The following THSD7A variants were observed in gnomAD, a reference collection of about 807,000 sequenced individuals.
The protein encoded by THSD7A is thrombospondin type 1 domain containing 7A.
THSD7A carries 96 observed loss-of-function variants against 231.3 expected under a neutral mutation model. The observed-to-expected ratio is 0.41, with a 90% confidence interval of 0.35 to 0.49. The LOEUF (loss-of-function observed/expected upper bound fraction) is 0.49, where lower values mean the gene tolerates loss of function less well. Ranked by LOEUF, THSD7A falls within the 20% of genes least tolerant of loss-of-function variation. THSD7A has a pLI of 0.05. For missense variants in THSD7A, 2,290 were observed against 2,070.2 expected (o/e 1.11, Z -2.06); for synonymous variants, 940 against 743.3 (o/e 1.26, Z -4.30).
At chr7:11,542,718 C>A (rs1004984593) in intron 5 of THSD7A, among the ~76,000 whole-genome samples, 1 of 152,198 alleles carries the variant, frequency 6.6e-6, no homozygotes, top group Admixed American at 6.5e-5. Flanking sequence ...CTAACCATTG[C>A]ACTAAACTGT....
At chr7:11,821,520 A>G (rs1334472515) in intron 1 of THSD7A, among the ~76,000 whole-genome samples, 1 of 151,720 alleles carries the variant, frequency 6.6e-6, no homozygotes, top group African/African-American at 2.4e-5. Flanking sequence ...TGTTCACCTC[A>G]AAAGAAAAAA....
At chr7:11,732,043 C>G (rs1781753575) in intron 1 of THSD7A, among the ~76,000 whole-genome samples, 1 of 151,546 alleles carries the variant, frequency 6.6e-6, no homozygotes, top group African/African-American at 2.4e-5. Context: ...ATATTAAGAA[C>G]AATGCTACTT....
chr7:11,726,462 A>G (rs1222038888), intron 1 of THSD7A, among the ~76,000 whole-genome samples: 1 of 152,026 alleles, frequency 6.6e-6, no homozygotes, highest in Non-Finnish European at 1.5e-5. Flanking sequence ...TGCACAATGA[A>G]ATCCGGGATT....
intron 6 of THSD7A, among the ~76,000 whole-genome samples, chr7:11,486,101 T>C (rs375106262): frequency 5.9e-5 from 9 of 152,270 alleles, no homozygotes; most frequent in East Asian, 3.9e-4. Context: ...CTTCATAACT[T>C]GTCAATTCCA....
At chr7:11,592,114 T>C (rs1013099565) in intron 3 of THSD7A, among the ~76,000 whole-genome samples, 3 of 152,124 alleles carry the variant, frequency 2.0e-5, no homozygotes, top group Non-Finnish European at 1.5e-5. Flanking sequence ...TTGAGCCTAT[T>C]ATGTGGGGAG....
chr7:11,592,376 C>T (rs907443860), intron 3 of THSD7A, among the ~76,000 whole-genome samples: 7 of 152,190 alleles, frequency 4.6e-5, no homozygotes, highest in African/African-American at 1.7e-4. Flanking sequence ...TCCAGAGATG[C>T]TCTCAATGAA....
chr7:11,379,309 G>T (rs1381923198), intron 25 of THSD7A, 29 bp from the exon 26 acceptor site: 1 of 1,602,828 alleles, frequency 6.2e-7, no homozygotes, highest in Non-Finnish European at 8.5e-7. Context: ...ATTTATACTA[G>T]CCATGCAAGG....
chr7:11,511,334 A>G (rs1469786723), intron 6 of THSD7A, among the ~76,000 whole-genome samples: 3 of 152,246 alleles, frequency 2.0e-5, no homozygotes, highest in African/African-American at 4.8e-5. Context: ...GGAAGAATCC[A>G]TATTGTGAAA....
Position 11,814,628 on chromosome 7 carries a change from T to C in THSD7A, c.190+17129A>G, listed in dbSNP as rs1784625341. On this transcript the variant is annotated intron_variant, in intron 1 of 27. Transcript: ENST00000423059. The surrounding 1 kb of genome is among the most constrained non-coding windows in gnomAD (Gnocchi z 5.1). ...TCTCTTCTTGTGGAACTTGCACAGC[T>C]GAAGCAGTTCAAAACCAGTTCTCTT... 6.6e-6 allele frequency among the ~76,000 whole-genome samples: 1 copy of C among 152,150 alleles called. No individual in the cohort carries two copies. The highest frequency in any genetic ancestry group is 1.5e-5 in the Non-Finnish European group (1 of 68,028).
chr7:11,527,557 T>G (rs755297316), intron 6 of THSD7A, among the ~76,000 whole-genome samples: 9 of 152,210 alleles, frequency 5.9e-5, no homozygotes, highest in Non-Finnish European at 7.3e-5. Context: ...GATTTTACTT[T>G]GCACTCTATC....
chr7:11,466,800 C>T lies in THSD7A; in HGVS notation c.2368+3079G>A, dbSNP rs535849126. Among the ~76,000 whole-genome samples, 99 of 152,158 alleles carry T rather than the reference C, an allele frequency of 6.5e-4. 3 individuals carry two copies. The South Asian group carries it at 0.02, about 31-fold the overall frequency. ...GCATTTTTGCACTCTCTTGCCACCA[C>T]CATCTCAGGAACACCAGGAGAGAAT... On this transcript the variant is annotated intron_variant, in intron 9 of 27. Transcript: ENST00000423059.
chr7:11,392,942 G>A (rs1348797662), intron 23 of THSD7A, among the ~76,000 whole-genome samples: 2 of 152,232 alleles, frequency 1.3e-5, no homozygotes, highest in Non-Finnish European at 2.9e-5. Context: ...CCTGGGGGAA[G>A]GGGCAGCTGT....
At position 11,632,268 on chromosome 7, in the gene THSD7A, T is replaced by G. The variant is rs1245751448; in HGVS notation, c.1022+3862A>C. On this transcript the variant is annotated intron_variant, in intron 2 of 27. Coordinates refer to ENST00000423059, the MANE Select transcript of THSD7A (RefSeq NM_015204.3). The surrounding 1 kb of genome is among the most constrained non-coding windows in gnomAD (Gnocchi z 4.1). ...TCTAGACAAGCACAACTACATCCTT[T>G]TCTATTTTTCCAAGTCTAGTGTTAA... Among the ~76,000 whole-genome samples, 9 of 152,164 alleles carry G rather than the reference T, an allele frequency of 5.9e-5. No individual in the cohort carries two copies. The highest frequency in any genetic ancestry group is 5.9e-4 in the Admixed American group (9 of 15,272).
At chr7:11,559,657 AAG>A (rs1218626761) in intron 4 of THSD7A, among the ~76,000 whole-genome samples, 10 of 152,016 alleles carry the variant, frequency 6.6e-5, no homozygotes, top group Non-Finnish European at 1.2e-4. Context: ...AAGTAGAAGA[AAG>A]AGAATAAAAA....
intron 1 of THSD7A, among the ~76,000 whole-genome samples, chr7:11,824,705 T>C (rs1173316758): frequency 6.6e-6 from 1 of 152,096 alleles, no homozygotes; most frequent in Non-Finnish European, 1.5e-5. Context: ...TGGTGCTATA[T>C]AAATTACAAA....
chr7:11,623,020 C>A (rs1204284475), intron 2 of THSD7A, among the ~76,000 whole-genome samples: 3 of 152,134 alleles, frequency 2.0e-5, no homozygotes, highest in Non-Finnish European at 2.9e-5. Flanking sequence ...AAAAGTAATT[C>A]ATGATTTTGT....
At chr7:11,585,747 TC>T (rs1278174176) in intron 4 of THSD7A, among the ~76,000 whole-genome samples, 1 of 151,946 alleles carries the variant, frequency 6.6e-6, no homozygotes, top group African/African-American at 2.4e-5. Flanking sequence ...CAACACACCA[TC>T]CCATCTCAGG....
rs1782035507 is a variant in THSD7A at position 11,371,093 on chromosome 7, C to G, written c.*4701G>C. ...CAAACTAAAGCTCTTCATATACTGC[C>G]CATTTTTAAGATCTGACTTGGTAGA... On this transcript the variant is annotated 3_prime_UTR_variant, in exon 28 of 28. Transcript: ENST00000423059. The G allele has an allele frequency of 6.6e-6, 1 of 152,068 alleles. No homozygotes were observed. The highest frequency in any genetic ancestry group is 2.4e-5 in the African/African-American group (1 of 41,394). 9.4% of individuals were successfully genotyped at this position (152,068 alleles called of 1,614,324 possible).
intron 2 of THSD7A, among the ~76,000 whole-genome samples, chr7:11,626,744 T>C (rs1029019925): frequency 6.6e-6 from 1 of 152,088 alleles, no homozygotes; most frequent in African/African-American, 2.4e-5. Context: ...CAGAGACTAT[T>C]GGAATACATT....
Sources: gnomAD v4.1 joint callset for allele counts (sites outside exome capture counted in the v4.1 genomes callset) on GRCh38, gnomAD v4.1.1 for gene constraint, Gnocchi (gnomAD v3.1) non-coding constraint, MANE v1.5 for transcripts, NCBI Gene and HGNC (gene_info 2026-07-23, HGNC 2026-07-21) for gene names.